Variants in NAF1 observed in about 807,000 individuals in gnomAD.
The protein encoded by NAF1 is H/ACA ribonucleoprotein complex non-core subunit NAF1.
Under a neutral mutation model 40.6 loss-of-function variants are expected in NAF1, and 11 were observed. That is an observed-to-expected ratio of 0.27 (90% CI 0.17 to 0.45). The LOEUF is 0.45. NAF1 is among the 20% of genes least tolerant of loss of function. NAF1 has a pLI of 1.00. For synonymous variants in NAF1, 260 were observed against 228.5 expected (o/e 1.14, Z -1.24); for missense variants, 607 against 611.1 (o/e 0.99, Z 0.07).
In NAF1 at chr4:163,145,053, G is replaced by A. The variant is rs1731408844; in HGVS notation, c.717+729C>T. On this transcript the variant is annotated intron_variant, in intron 4 of 7. Coordinates refer to ENST00000274054, the MANE Select transcript of NAF1 (RefSeq NM_138386.3). ...TAGATACAATGGGGAATATCAAGGT[G>A]AATAAAACTGTCCCTATTGCCAGGA... Among the ~76,000 whole-genome samples the A allele has an allele frequency of 1.3e-5, 2 of 152,102 alleles. 1 individual carries two copies. Among genetic ancestry groups the A allele is most frequent in the South Asian group, 4.1e-4 (2 of 4,820 alleles).
chr4:163,123,663 A>G (rs1730576016), downstream of NAF1, among the ~76,000 whole-genome samples: 1 of 152,178 alleles, frequency 6.6e-6, no homozygotes, highest in African/African-American at 2.4e-5. Flanking sequence ...GATTACAGGC[A>G]TGAACCACCC....
At chr4:163,143,123 T>C (rs937251636) in intron 4 of NAF1, among the ~76,000 whole-genome samples, 2 of 152,210 alleles carry the variant, frequency 1.3e-5, no homozygotes, top group African/African-American at 4.8e-5. Context: ...CATATAAAAA[T>C]TTAATCCAAC....
At chr4:163,114,808 A>C (rs574078515) in intron 2 of NAF1, among the ~76,000 whole-genome samples, 3 of 152,198 alleles carry the variant, frequency 2.0e-5, no homozygotes, top group Non-Finnish European at 4.4e-5. Context: ...TTGTCCTAAA[A>C]TATTTAGTAA....
At chr4:163,142,282 A>G (rs1392207388) in intron 4 of NAF1, among the ~76,000 whole-genome samples, 1 of 152,212 alleles carries the variant, frequency 6.6e-6, no homozygotes, top group South Asian at 2.1e-4. Flanking sequence ...CACAAACCCA[A>G]TTCTTCATTT....
chr4:163,153,820 C>A (rs1390087866), intron 2 of NAF1, among the ~76,000 whole-genome samples: 1 of 152,102 alleles, frequency 6.6e-6, no homozygotes, highest in African/African-American at 2.4e-5. Context: ...GCTCGGGTCC[C>A]CTTCCACACC....
chr4:163,130,419 A>C (rs1039578876), intron 7 of NAF1, among the ~76,000 whole-genome samples: 2 of 152,242 alleles, frequency 1.3e-5, no homozygotes, highest in African/African-American at 4.8e-5. Flanking sequence ...CAATTTTAGA[A>C]CTGAACATTA....
At chr4:163,161,018 C>CA (rs796248441) in intron 2 of NAF1, among the ~76,000 whole-genome samples, 5,430 of 57,858 alleles carry the variant, frequency 0.094, 256 homozygotes, top group African/African-American at 0.23. Flanking sequence ...TGTCATTTTC[C>CA]AAAAAAAAAA....
intron 2 of NAF1, among the ~76,000 whole-genome samples, chr4:163,148,675 A>T (rs187486721): frequency 5.3e-4 from 81 of 152,320 alleles, no homozygotes; most frequent in Middle Eastern, 3.4e-3. Context: ...TTAGACTAAG[A>T]ACACAGACAT....
At chr4:163,109,357 TTAAAA>T (rs1239996945), downstream of NAF1, among the ~76,000 whole-genome samples, 1 of 152,114 alleles carries the variant, frequency 6.6e-6, no homozygotes, top group Admixed American at 6.6e-5. Context: ...AATGATGCAC[TTAAAA>T]TAATTTCATG....
chr4:163,144,255 G>A (rs1169607450), intron 4 of NAF1, among the ~76,000 whole-genome samples: 1 of 152,154 alleles, frequency 6.6e-6, no homozygotes, highest in Admixed American at 6.5e-5. Flanking sequence ...GGAGGTGGAA[G>A]GGAAATGAAC....
chr4:163,147,984 C>T (rs1731540215), intron 3 of NAF1, among the ~76,000 whole-genome samples: 1 of 152,008 alleles, frequency 6.6e-6, no homozygotes, highest in Admixed American at 6.5e-5. Flanking sequence ...CTGTTAACAC[C>T]TTTGATTTTA....
intron 2 of NAF1, among the ~76,000 whole-genome samples, chr4:163,150,828 T>G (rs1486047884): frequency 2.0e-5 from 3 of 152,136 alleles, no homozygotes. Context: ...TTTAAAATTT[T>G]GACAGTTACT....
At chr4:163,156,461 G>C (rs1222839968) in intron 2 of NAF1, among the ~76,000 whole-genome samples, 1 of 150,760 alleles carries the variant, frequency 6.6e-6, no homozygotes, top group Non-Finnish European at 1.5e-5. Flanking sequence ...AAGACTTTTT[G>C]TTTTGTTTAC....
intron 2 of NAF1, among the ~76,000 whole-genome samples, chr4:163,117,743 G>A (rs1056845402): frequency 5.1e-4 from 72 of 140,788 alleles, no homozygotes; most frequent in Non-Finnish European, 1.1e-4. Context: ...TCCATTATTC[G>A]TTGCTATCTG....
intron 2 of NAF1, among the ~76,000 whole-genome samples, chr4:163,115,380 T>C (rs1730302730): frequency 6.6e-6 from 1 of 151,892 alleles, no homozygotes; most frequent in African/African-American, 2.4e-5. Flanking sequence ...GGCTAATTTT[T>C]TGTATTTTTA....
At chr4:163,143,821 A>G (rs1234751062) in intron 4 of NAF1, among the ~76,000 whole-genome samples, 1 of 152,206 alleles carries the variant, frequency 6.6e-6, no homozygotes, top group Non-Finnish European at 1.5e-5. Context: ...AACCTTTACA[A>G]CTATTCAACA....
At chr4:163,126,654 T>C (rs1467421646), downstream of NAF1, 3 of 172,392 alleles carry the variant, frequency 1.7e-5, no homozygotes, top group Non-Finnish European at 3.7e-5. Context: ...GATAAGGCAG[T>C]GGCAGGGTTT....
chr4:163,128,631 C>G, downstream of NAF1: 1 of 520,294 alleles, frequency 1.9e-6, no homozygotes, highest in Non-Finnish European at 2.5e-6. Flanking sequence ...TATAGTTTAA[C>G]TGGGTGGGGT....
In NAF1 at chr4:163,137,270, G is replaced by T; in HGVS notation, c.879-20C>A. ...TTATCCCTGAGTGGGGTGGGGATGG[G>T]AGTCAAAAAAGTATTCATCACAATT... On this transcript the variant is annotated intron_variant, in intron 5 of 7. Coordinates refer to ENST00000274054, the MANE Select transcript of NAF1 (RefSeq NM_138386.3). The T allele has an allele frequency of 6.3e-7, 1 of 1,594,438 alleles. No homozygotes were observed. Among genetic ancestry groups the T allele is most frequent in the Non-Finnish European group, 8.5e-7 (1 of 1,172,102 alleles).
Sources: allele counts gnomAD v4.1 joint callset (sites outside exome capture counted in the v4.1 genomes callset), GRCh38; gene constraint gnomAD v4.1.1; transcripts MANE v1.5; gene names NCBI Gene and HGNC (gene_info 2026-07-23, HGNC 2026-07-21).